Variants in GSTCD observed in about 807,000 individuals in gnomAD.
GSTCD encodes the protein glutathione S-transferase C-terminal domain containing.
In GSTCD, 44 loss-of-function variants were observed where a neutral mutation model predicts 68.3. That is an observed-to-expected ratio of 0.64 (90% CI 0.51 to 0.83). The LOEUF (loss-of-function observed/expected upper bound fraction) is 0.83. GSTCD is among the 40% of genes least tolerant of loss of function. The pLI is 0.00. For synonymous variants in GSTCD, 273 were observed against 255.2 expected (o/e 1.07, Z -0.67); for missense variants, 739 against 735.9 (o/e 1.00, Z -0.05).
At chr4:105,802,373 C>T (rs1736138479) in intron 5 of GSTCD, among the ~76,000 whole-genome samples, 1 of 152,028 alleles carries the variant, frequency 6.6e-6, no homozygotes, top group South Asian at 2.1e-4. Context: ...AACCTGTTAT[C>T]CTGCCTTCAT....
At chr4:105,717,465 C>T (rs1425147512) in intron 1 of GSTCD, 128 bp from the exon 2 acceptor site, 2 of 599,676 alleles carry the variant, frequency 3.3e-6, no homozygotes, top group South Asian at 2.9e-5. Flanking sequence ...AGAAACAAAC[C>T]TTATAGCATT....
At chr4:105,769,268 CA>C (rs1398774526) in intron 5 of GSTCD, among the ~76,000 whole-genome samples, 191 of 120,538 alleles carry the variant, frequency 1.6e-3, no homozygotes, top group African/African-American at 5.1e-3. Context: ...CACACACACA[CA>C]CACACCACTT....
chr4:105,787,149 G>T (rs1331428679), intron 5 of GSTCD, among the ~76,000 whole-genome samples: 1 of 152,066 alleles, frequency 6.6e-6, no homozygotes, highest in Non-Finnish European at 1.5e-5. Context: ...ACTGATAAGT[G>T]TTCAATAAAG....
chr4:105,732,669 G>A (rs917233752), intron 5 of GSTCD, among the ~76,000 whole-genome samples: 1 of 152,044 alleles, frequency 6.6e-6, no homozygotes, highest in Non-Finnish European at 1.5e-5. Flanking sequence ...TTTTTGAAGG[G>A]TTTTTTGTGT....
chr4:105,765,281 G>A (rs933701875), intron 5 of GSTCD, among the ~76,000 whole-genome samples: 25 of 152,128 alleles, frequency 1.6e-4, no homozygotes, highest in Admixed American at 6.6e-4. Context: ...AAACTCATTT[G>A]ATCAGTATTG....
chr4:105,711,905 T>G (rs1732550770), intron 1 of GSTCD, among the ~76,000 whole-genome samples: 1 of 152,240 alleles, frequency 6.6e-6, no homozygotes, highest in South Asian at 2.1e-4. Context: ...TTGCTTTATT[T>G]ATGAGTTTGG....
At chr4:105,824,199 G>A (rs1723469635) in intron 7 of GSTCD, among the ~76,000 whole-genome samples, 2 of 152,094 alleles carry the variant, frequency 1.3e-5, no homozygotes, top group Admixed American at 1.3e-4. Flanking sequence ...ATGATGACGA[G>A]GGGACAGGGA....
intron 5 of GSTCD, among the ~76,000 whole-genome samples, chr4:105,757,586 T>C (rs980622587): frequency 6.6e-6 from 1 of 151,970 alleles, no homozygotes; most frequent in Non-Finnish European, 1.5e-5. Flanking sequence ...TATTTTTGCA[T>C]TCTGGGGTCT....
intron 5 of GSTCD, among the ~76,000 whole-genome samples, chr4:105,818,472 G>C (rs1310889867): frequency 6.6e-6 from 1 of 151,800 alleles, no homozygotes; most frequent in East Asian, 1.9e-4. Context: ...AGAGAGGCTG[G>C]AACAATGGGC....
intron 5 of GSTCD, among the ~76,000 whole-genome samples, chr4:105,816,317 C>T (rs959916664): frequency 2.6e-5 from 4 of 151,990 alleles, no homozygotes; most frequent in East Asian, 3.9e-4. Flanking sequence ...CTGGATAATC[C>T]GATTTTGCAA....
intron 5 of GSTCD, among the ~76,000 whole-genome samples, chr4:105,733,251 T>C (rs897383988): frequency 6.6e-6 from 1 of 152,174 alleles, no homozygotes; most frequent in South Asian, 2.1e-4. Context: ...CTTGTGAACT[T>C]TCTCTCTCGT....
chr4:105,724,636 A>G (rs1243729016), intron 3 of GSTCD, among the ~76,000 whole-genome samples: 2 of 144,988 alleles, frequency 1.4e-5, no homozygotes, highest in Non-Finnish European at 3.2e-5. Flanking sequence ...ACACAAAAAA[A>G]TGGAACTTTA....
chr4:105,759,024 T>G (rs1167326722), intron 5 of GSTCD, among the ~76,000 whole-genome samples: 4 of 152,206 alleles, frequency 2.6e-5, no homozygotes, highest in Non-Finnish European at 5.9e-5. Flanking sequence ...CTGAAGGTAT[T>G]TCTGCAGAAT....
chr4:105,753,235 G>A (rs1255631196), intron 5 of GSTCD: 1 of 151,992 alleles, frequency 6.6e-6, no homozygotes, highest in African/African-American at 2.4e-5. Flanking sequence ...ACCACTTTAA[G>A]TAGAACAAAA....
At chr4:105,781,732 C>A (rs1349920996) in intron 5 of GSTCD, among the ~76,000 whole-genome samples, 1 of 151,040 alleles carries the variant, frequency 6.6e-6, no homozygotes, top group East Asian at 1.9e-4. Context: ...AAAATAAAAT[C>A]TAAATTTTTG....
intron 5 of GSTCD, among the ~76,000 whole-genome samples, chr4:105,745,223 T>G (rs929845207): frequency 3.3e-5 from 5 of 152,220 alleles, no homozygotes; most frequent in African/African-American, 1.2e-4. Context: ...ATATACCTAC[T>G]GAGTTGAATT....
intron 5 of GSTCD, among the ~76,000 whole-genome samples, chr4:105,790,480 A>T (rs1193238020): frequency 6.6e-6 from 1 of 152,068 alleles, no homozygotes; most frequent in Non-Finnish European, 1.5e-5. Context: ...TCTGTAAAAA[A>T]ATTTTAAAAC....
intron 1 of GSTCD, 109 bp from the exon 2 acceptor site, chr4:105,717,484 C>G: frequency 1.4e-6 from 1 of 703,726 alleles, no homozygotes. Context: ...TTATTATCTA[C>G]TGCAAATTTT....
In GSTCD at chr4:105,762,909, C is replaced by T. The variant is rs1418462633; in HGVS notation, c.1240+33410C>T. ...TTCAATTTGAAGAGACTTAATTCTCCCCAGACAAGCACAATGTATCTCACT... is the reference window on the plus strand; with the variant it reads ...TTCAATTTGAAGAGACTTAATTCTCTCCAGACAAGCACAATGTATCTCACT... On this transcript the variant is annotated intron_variant, in intron 5 of 11. Coordinates refer to ENST00000515279, the MANE Select transcript of GSTCD (RefSeq NM_001370181.1). Among the ~76,000 whole-genome samples, 3 of 152,082 alleles carry T rather than the reference C, an allele frequency of 2.0e-5. No individual in the cohort carries two copies. The South Asian group carries it at 6.2e-4, about 32-fold the overall frequency.
Sources: gnomAD v4.1 joint callset for allele counts (sites outside exome capture counted in the v4.1 genomes callset) on GRCh38, gnomAD v4.1.1 for gene constraint, MANE v1.5 for transcripts, NCBI Gene and HGNC (gene_info 2026-07-23, HGNC 2026-07-21) for gene names.